Variants in SAR1B observed in about 807,000 individuals in gnomAD.
SAR1B encodes small COPII coat GTPase SAR1B.
SAR1B carries 23 observed loss-of-function variants against 26.8 expected under a neutral mutation model. That is an observed-to-expected ratio of 0.86 (90% CI 0.62 to 1.22). The LOEUF is 1.22. Ranked by LOEUF, SAR1B falls within the 50% of genes most tolerant of loss-of-function variation. The probability of loss-of-function intolerance (pLI) is 0.00; values close to 1 mark genes in which losing one functional copy is unlikely to be tolerated. For synonymous variants in SAR1B, 65 were observed against 80.8 expected (o/e 0.80, Z 1.05); for missense variants, 196 against 232.8 (o/e 0.84, Z 1.03).
intron 1 of SAR1B, among the ~76,000 whole-genome samples, chr5:134,624,886 C>G (rs1765470803): frequency 6.6e-6 from 1 of 152,086 alleles, no homozygotes; most frequent in South Asian, 2.1e-4. Context: ...CCTCAGCCTC[C>G]AAAAGTGCTG....
Position 134,604,342 on chromosome 5 carries a change from A to C in SAR1B, c.*2608T>G, listed in dbSNP as rs1246911632. 1 of 152,246 alleles carries C rather than the reference A, an allele frequency of 6.6e-6. No homozygotes were observed. The highest frequency in any genetic ancestry group is 1.5e-5 in the Non-Finnish European group (1 of 68,048). 9.4% of individuals were successfully genotyped at this position (152,246 alleles called of 1,614,324 possible). Reference sequence around the variant, plus strand: ...ACAATTAGCCTATGTCCCCAGTACTAGTATTTACCTGGGAAATACTCCATG... The same window carrying C: ...ACAATTAGCCTATGTCCCCAGTACTCGTATTTACCTGGGAAATACTCCATG... On this transcript the variant is annotated 3_prime_UTR_variant, in exon 7 of 7. Transcript: ENST00000402673.
chr5:134,623,803 A>G (rs1036027171), intron 2 of SAR1B, among the ~76,000 whole-genome samples, 159 bp downstream of exon 2: 1 of 152,224 alleles, frequency 6.6e-6, no homozygotes, highest in African/African-American at 2.4e-5. Context: ...TTTAAAAGGG[A>G]TACAATGAGT....
chr5:134,627,294 G>A (rs1207075260), intron 1 of SAR1B, among the ~76,000 whole-genome samples: 3 of 150,870 alleles, frequency 2.0e-5, no homozygotes, highest in African/African-American at 4.9e-5. Context: ...CTCGTAATCC[G>A]CCCTCCTTGG....
intron 3 of SAR1B, chr5:134,614,530 G>C (rs948325157): frequency 6.6e-6 from 1 of 152,228 alleles, no homozygotes; most frequent in Non-Finnish European, 1.5e-5. Flanking sequence ...CTGGCCCCAT[G>C]AGAGCTCTAG....
chr5:134,610,741 AT>A (rs1313452742), intron 4 of SAR1B, among the ~76,000 whole-genome samples: 2 of 151,932 alleles, frequency 1.3e-5, no homozygotes, highest in South Asian at 2.1e-4. Context: ...TTCAAAAAAA[AT>A]AATTAAAAAA....
At chr5:134,618,880 C>T (rs2150053459) in intron 3 of SAR1B, among the ~76,000 whole-genome samples, 1 of 151,988 alleles carries the variant, frequency 6.6e-6, no homozygotes, top group African/African-American at 2.4e-5. Flanking sequence ...TGCCTGTAAT[C>T]CCAGCTATTC....
intron 2 of SAR1B, among the ~76,000 whole-genome samples, chr5:134,621,934 C>T (rs868125116): frequency 1.3e-5 from 2 of 152,110 alleles, no homozygotes; most frequent in African/African-American, 4.8e-5. Flanking sequence ...GATGGGGTTT[C>T]ACCATGTTGG....
In SAR1B at chr5:134,607,858, A is replaced by G. The variant is rs575409755; in HGVS notation, c.480+514T>C. On this transcript the variant is annotated intron_variant, in intron 6 of 6. Transcript: ENST00000402673. ...ATATGTAAACTAAAAAAATTTTGTA[A>G]ATCTCTGGGGTTCTTCCACTGTTTA... Among the ~76,000 whole-genome samples the G allele has an allele frequency of 3.9e-5, 6 of 152,162 alleles. No individual in the cohort carries two copies. The South Asian group carries it at 1.2e-3, about 32-fold the overall frequency.
At chr5:134,609,531 G>A in intron 5 of SAR1B, 40 bp downstream of exon 5, 2 of 1,509,118 alleles carry the variant, frequency 1.3e-6, no homozygotes, top group Non-Finnish European at 1.8e-6. Flanking sequence ...AGGCTTACCA[G>A]AGTGATTTGA....
In SAR1B at chr5:134,605,659, C is replaced by CAAAAAAAAAAAAAAAAAAAAAAACAAAAA. The variant is rs1026047463; in HGVS notation, c.*1290_*1291insTTTTTGTTTTTTTTTTTTTTTTTTTTTTT. The CAAAAAAAAAAAAAAAAAAAAAAACAAAAA allele has an allele frequency of 1.1e-4, 4 of 35,018 alleles. No individual in the cohort carries two copies. Among genetic ancestry groups the CAAAAAAAAAAAAAAAAAAAAAAACAAAAA allele is most frequent in the Non-Finnish European group, 1.8e-4 (3 of 16,906 alleles). The allele number at this position is 35,018 out of a possible 1,614,324, so 2.2% of individuals were successfully genotyped here. ...GTCTCTAAAACAAAATGAAACAGAG[C>CAAAAAAAAAAAAAAAAAAAAAAACAAAAA]AAAAAAAAAAAAAAAAAAAAAGCCC... is the stretch of plus-strand genomic sequence containing the variant. On this transcript the variant is annotated 3_prime_UTR_variant, in exon 7 of 7. Transcript: ENST00000402673.
In SAR1B at chr5:134,605,757, C is replaced by T. The variant is rs558565435; in HGVS notation, c.*1193G>A. On this transcript the variant is annotated 3_prime_UTR_variant, in exon 7 of 7. Transcript: ENST00000402673. ...AAATAAGAAAAAAGAAAATTGGAAACAAGCACTTGTTTTCTTCTACCAGGA... is the reference window on the plus strand; with the variant it reads ...AAATAAGAAAAAAGAAAATTGGAAATAAGCACTTGTTTTCTTCTACCAGGA... The T allele has an allele frequency of 4.1e-5, 6 of 144,850 alleles. No homozygotes were observed. The South Asian group carries it at 1.3e-3, about 32-fold the overall frequency. The allele number at this position is 144,850 out of a possible 1,614,324, so 9.0% of individuals were successfully genotyped here. A position where few individuals can be genotyped will look rare whatever the true frequency, so the allele number is the denominator to read the frequency against.
At chr5:134,608,667 A>G (rs1414112667) in intron 5 of SAR1B, among the ~76,000 whole-genome samples, 164 bp from the exon 6 acceptor site, 1 of 152,226 alleles carries the variant, frequency 6.6e-6, no homozygotes, top group Non-Finnish European at 1.5e-5. Flanking sequence ...CAATGAAACC[A>G]TAAGCTAAAT....
At chr5:134,627,841 T>TAAATAAAA (rs1197291364) in intron 1 of SAR1B, among the ~76,000 whole-genome samples, 3 of 113,288 alleles carry the variant, frequency 2.6e-5, no homozygotes, top group African/African-American at 6.4e-5. Flanking sequence ...AATAAATAAA[T>TAAATAAAA]AAAACCACAC....
chr5:134,620,633 G>A (rs1478843536), intron 3 of SAR1B, among the ~76,000 whole-genome samples: 1 of 152,158 alleles, frequency 6.6e-6, no homozygotes, highest in East Asian at 1.9e-4. Flanking sequence ...GGCTGAGAGA[G>A]GCTGATCACT....
At chr5:134,621,759 C>T (rs567617579) in intron 2 of SAR1B, among the ~76,000 whole-genome samples, 2 of 152,170 alleles carry the variant, frequency 1.3e-5, no homozygotes, top group Non-Finnish European at 2.9e-5. Context: ...TATTTAGAGA[C>T]AGTGTCTTAC....
chr5:134,606,408 G>T lies in SAR1B; in HGVS notation c.*542C>A, dbSNP rs1765128725. On this transcript the variant is annotated 3_prime_UTR_variant, in exon 7 of 7. Transcript: ENST00000402673. ...CTAGCTAGATAAGACACATTTAAAT[G>T]AAACATTTGCCCAACAAGGATGCCA... 1.2e-5 allele frequency: 2 copies of T among 165,944 alleles called. No individual in the cohort carries two copies. Among genetic ancestry groups the T allele is most frequent in the African/African-American group, 4.8e-5 (2 of 41,484 alleles). 10.3% of individuals were successfully genotyped at this position (165,944 alleles called of 1,614,324 possible).
At position 134,612,681 on chromosome 5, in the gene SAR1B, A is replaced by AAAAAATAAAAAT; in HGVS notation, c.244+9_244+10insATTTTTATTTTT. 1 of 1,124,732 alleles carries AAAAAATAAAAAT rather than the reference A, an allele frequency of 8.9e-7. No homozygotes were observed. The highest frequency in any genetic ancestry group is 1.2e-6 in the Non-Finnish European group (1 of 836,280). 69.7% of individuals were successfully genotyped at this position (1,124,732 alleles called of 1,614,324 possible). On this transcript the variant is annotated intron_variant, in intron 4 of 6. Coordinates refer to ENST00000402673, the MANE Select transcript of SAR1B (RefSeq NM_016103.4). ...AAAAAAAAAAAAAAAAAAAAAAAAAAGAATCTTACCTTGAACATGTCCACC... is the reference window on the plus strand; with the variant it reads ...AAAAAAAAAAAAAAAAAAAAAAAAAAAAAAATAAAAATGAATCTTACCTTGAACATGTCCACC...
Position 134,604,374 on chromosome 5 carries a change from C to T in SAR1B, c.*2576G>A, listed in dbSNP as rs1765096078. On this transcript the variant is annotated 3_prime_UTR_variant, in exon 7 of 7. Transcript: ENST00000402673. ...ACCTGGGAAATACTCCATGGATGCACACATTCACACAGGCACATGCAGAGT... is the reference window on the plus strand; with the variant it reads ...ACCTGGGAAATACTCCATGGATGCATACATTCACACAGGCACATGCAGAGT... 6.6e-6 allele frequency: 1 copy of T among 152,252 alleles called. No individual in the cohort carries two copies. Among genetic ancestry groups the T allele is most frequent in the Non-Finnish European group, 1.5e-5 (1 of 68,052 alleles). 9.4% of individuals were successfully genotyped at this position (152,252 alleles called of 1,614,324 possible).
intron 2 of SAR1B, among the ~76,000 whole-genome samples, chr5:134,622,410 CTT>C (rs70976542): frequency 1.6e-4 from 22 of 135,560 alleles, no homozygotes; most frequent in Middle Eastern, 3.7e-3. Flanking sequence ...AGCCCATATT[CTT>C]TTTTTTTTTT....
Sources: gnomAD v4.1 joint callset for allele counts (sites outside exome capture counted in the v4.1 genomes callset) on GRCh38, gnomAD v4.1.1 for gene constraint, MANE v1.5 for transcripts, NCBI Gene and HGNC (gene_info 2026-07-23, HGNC 2026-07-21) for gene names.